The following CORO2B variants were observed in gnomAD, a reference collection of about 807,000 sequenced individuals.
The protein encoded by CORO2B is coronin-2B.
Under a neutral mutation model 58.8 loss-of-function variants are expected in CORO2B, and 26 were observed. The ratio of observed to expected loss-of-function variants is 0.44; its 90% confidence interval spans 0.32 to 0.61. The LOEUF (loss-of-function observed/expected upper bound fraction) is 0.61, where lower values mean the gene tolerates loss of function less well. Among genes scored for constraint, CORO2B ranks in the 20% least tolerant of loss-of-function variants. CORO2B has a pLI of 0.04. For synonymous variants in CORO2B, 242 were observed against 253.8 expected (o/e 0.95, Z 0.44); for missense variants, 460 against 645.1 (o/e 0.71, Z 3.11).
At chr15:68,654,224 G>A (rs1201404857) in intron 2 of CORO2B, among the ~76,000 whole-genome samples, 2 of 152,188 alleles carry the variant, frequency 1.3e-5, no homozygotes, top group Non-Finnish European at 2.9e-5. Flanking sequence ...TGGAAGTGTC[G>A]CTCTCTTATT....
At chr15:68,520,288 TC>T in the CORO2B span, among the ~76,000 whole-genome samples, 1 of 152,212 alleles carries the variant, frequency 6.6e-6, no homozygotes, top group Non-Finnish European at 1.5e-5. Flanking sequence ...AGGTGAATTT[TC>T]CTAGTTACAT....
chr15:68,665,336 A>AC (rs1185533757), intron 2 of CORO2B, among the ~76,000 whole-genome samples: 1 of 152,014 alleles, frequency 6.6e-6, no homozygotes, highest in Non-Finnish European at 1.5e-5. Flanking sequence ...TTTCTACTTA[A>AC]TAGTCTTGTT....
intron 1 of CORO2B, among the ~76,000 whole-genome samples, chr15:68,603,908 C>A (rs1026824990): frequency 6.6e-6 from 1 of 152,242 alleles, no homozygotes; most frequent in Admixed American, 6.5e-5. Flanking sequence ...GCTCAAGGGG[C>A]AGAACATGGG....
the CORO2B span, among the ~76,000 whole-genome samples, chr15:68,527,138 G>T: frequency 4.5e-3 from 681 of 152,216 alleles, 6 homozygotes; most frequent in African/African-American, 0.015. Context: ...CCCCCAACAG[G>T]TACTTGTTAT....
chr15:68,727,292 G>A lies in CORO2B; in HGVS notation c.*1318G>A, dbSNP rs1486780688. On this transcript the variant is annotated 3_prime_UTR_variant, in exon 12 of 12. Transcript: ENST00000261861. ...GCAGATGAGGAAACCGAGAGAAGTG[G>A]CCCAAGGTCACGCAACTCTGAGATG... is the stretch of plus-strand genomic sequence containing the variant. 6.6e-6 allele frequency: 1 copy of A among 152,556 alleles called. No homozygotes were observed. The highest frequency in any genetic ancestry group is 1.5e-5 in the Non-Finnish European group (1 of 68,038). The allele number at this position is 152,556 out of a possible 1,614,324, so 9.5% of individuals were successfully genotyped here.
chr15:68,587,985 C>A (rs1019979076), intron 1 of CORO2B, among the ~76,000 whole-genome samples: 1 of 152,236 alleles, frequency 6.6e-6, no homozygotes, highest in African/African-American at 2.4e-5. Flanking sequence ...TGACCTTGGG[C>A]TAGTCCCTGG....
intron 1 of CORO2B, among the ~76,000 whole-genome samples, chr15:68,613,388 C>T (rs190599288): frequency 1.3e-5 from 2 of 152,278 alleles, no homozygotes; most frequent in East Asian, 3.9e-4. Context: ...AATGGCTTAT[C>T]AAATTAGGGT....
chr15:68,530,185 C>T, the CORO2B span, among the ~76,000 whole-genome samples: 1 of 152,092 alleles, frequency 6.6e-6, no homozygotes, highest in African/African-American at 2.4e-5. Context: ...ATTAGTTGGG[C>T]ATGGTGGCAG....
intron 2 of CORO2B, among the ~76,000 whole-genome samples, chr15:68,690,646 CT>C (rs765999578): frequency 0.05 from 5,099 of 102,842 alleles, 97 homozygotes; most frequent in African/African-American, 0.15. Flanking sequence ...CGTTAGCTTT[CT>C]TTTTTTTTTT....
chr15:68,613,248 T>C (rs1473820316), intron 1 of CORO2B, among the ~76,000 whole-genome samples: 3 of 152,122 alleles, frequency 2.0e-5, no homozygotes, highest in Non-Finnish European at 4.4e-5. Context: ...ACTATTACTA[T>C]GAGAGAGAAT....
At chr15:68,573,060 A>C in the CORO2B span, among the ~76,000 whole-genome samples, 6 of 152,168 alleles carry the variant, frequency 3.9e-5, no homozygotes, top group African/African-American at 1.4e-4. Context: ...CGGGACCAAG[A>C]GGCAGCTGCT....
rs1472311449 is a variant in CORO2B, at chr15:68,695,221, G to A, written c.298G>A (p.Asp100Asn). ...GGATATCAAATGGAACCCCTTCATC[G>A]ACAACATCATTGCCTCGTGCTCGGA... ...VLDIKWNPFI[D>N]NIIASCSEDT... is the part of the protein sequence containing the mutation. The change falls in exon 3 of 12, where the codon GAC becomes AAC. Residue 100 changes from aspartate to asparagine, a missense_variant. Physicochemically the swap from Asp to Asn is conservative, Grantham distance 23 (BLOSUM62 1). This residue lies in a region of CORO2B where 352 missense variants were observed against 543.0 expected (regional missense o/e 0.65). Transcript: ENST00000261861. 2 of 1,614,034 alleles carry A rather than the reference G, an allele frequency of 1.2e-6. No individual in the cohort carries two copies. The highest frequency in any genetic ancestry group is 1.7e-6 in the Non-Finnish European group (2 of 1,180,012).
At chr15:68,529,504 T>C in the CORO2B span, among the ~76,000 whole-genome samples, 1 of 152,266 alleles carries the variant, frequency 6.6e-6, no homozygotes, top group Non-Finnish European at 1.5e-5. Flanking sequence ...TTGTTGATTT[T>C]TTTGACATAA....
At chr15:68,668,941 G>A (rs767918120) in intron 2 of CORO2B, among the ~76,000 whole-genome samples, 1 of 152,062 alleles carries the variant, frequency 6.6e-6, no homozygotes, top group Non-Finnish European at 1.5e-5. Flanking sequence ...AGCTGGGCGT[G>A]GTGGCATGTG....
chr15:68,521,925 C>T, the CORO2B span, among the ~76,000 whole-genome samples: 1 of 152,078 alleles, frequency 6.6e-6, no homozygotes. Flanking sequence ...ACGAAAGCCT[C>T]TCAAGTAGAT....
chr15:68,565,051 A>T, the CORO2B span, among the ~76,000 whole-genome samples: 1 of 152,186 alleles, frequency 6.6e-6, no homozygotes, highest in Non-Finnish European at 1.5e-5. Context: ...TTCATGTGAA[A>T]GTAACTTTTC....
chr15:68,695,149 A>G lies in CORO2B; in HGVS notation c.226A>G (p.Ile76Val). The G allele has an allele frequency of 1.2e-6, 2 of 1,613,700 alleles. No homozygotes were observed. The highest frequency in any genetic ancestry group is 4.5e-5 in the East Asian group (2 of 44,864). ...LVIPLEQTGR[I>V]EPNYPKVCGH... is the part of the protein sequence containing the mutation. ...TCTTTCTCCTCTGCAGACAGGCAGG[A>G]TTGAACCCAACTACCCCAAGGTCTG... Residue 76 changes from isoleucine (I) to valine (V), a missense_variant, in exon 3 of 12, where the codon ATT becomes GTT. By Grantham distance (29) the Ile-to-Val change is conservative (BLOSUM62 3). Around this residue, in one of 2 missense-constraint regions of CORO2B, gnomAD observed 352 missense variants for 543.0 expected, o/e 0.65. Transcript: ENST00000261861.
the CORO2B span, among the ~76,000 whole-genome samples, chr15:68,555,519 A>C: frequency 1.3e-5 from 2 of 152,138 alleles, no homozygotes; most frequent in African/African-American, 4.8e-5. Context: ...TGCCTGCTCC[A>C]TGGGTTGTGG....
Position 68,726,093 on chromosome 15 carries a change from GACCCCCGCCTA to G in CORO2B, c.*120_*130del. On this transcript the variant is annotated 3_prime_UTR_variant, in exon 12 of 12. Transcript: ENST00000261861. ...GGACAGGAGTGGGGGCCAGCCTGAG[GACCCCCGCCTA>G]CCACCTCGAGAACTGGAAGCCAACC... is the stretch of plus-strand genomic sequence containing the variant. The G allele has an allele frequency of 1.5e-6, 2 of 1,344,266 alleles. No individual in the cohort carries two copies. The highest frequency in any genetic ancestry group is 2.0e-6 in the Non-Finnish European group (2 of 986,332). The allele number at this position is 1,344,266 out of a possible 1,614,324, so 83.3% of individuals were successfully genotyped here.
Sources: allele counts gnomAD v4.1 joint callset (sites outside exome capture counted in the v4.1 genomes callset), GRCh38; gene constraint gnomAD v4.1.1; regional missense constraint gnomAD v4.1.1; transcripts MANE v1.5; gene names NCBI Gene and HGNC (gene_info 2026-07-23, HGNC 2026-07-21).